CNTNAP4: variants seen among roughly 807,000 people sequenced by gnomAD.
CNTNAP4 encodes the protein contactin-associated protein-like 4.
CNTNAP4 carries 98 observed loss-of-function variants against 148.4 expected under a neutral mutation model. That is an observed-to-expected ratio of 0.66 (90% CI 0.56 to 0.78). The LOEUF (loss-of-function observed/expected upper bound fraction) is 0.78. CNTNAP4 is among the 30% of genes least tolerant of loss of function. CNTNAP4 has a pLI of 0.00. For missense variants in CNTNAP4, 1,935 were observed against 1,565.6 expected, an observed-to-expected ratio of 1.24 and a Z score of -3.98; for synonymous variants, 730 against 565.1, an observed-to-expected ratio of 1.29 and a Z score of -4.14.
rs760183601 is a variant in CNTNAP4 at position 76,553,952 on chromosome 16, A to T, written c.3733+45A>T. The stretch of plus-strand genomic sequence containing the variant: ...AGCTCTTCTTTGGTTGTTCTTATTA[A>T]TAATGATGATGAATATTTAGCATTG... On this transcript the variant is annotated intron_variant, in intron 23 of 23. Transcript: ENST00000611870. 8 of 1,164,274 alleles carry T rather than the reference A, an allele frequency of 6.9e-6. No individual in the cohort carries two copies. The South Asian group carries it at 1.0e-4, about 15-fold the overall frequency. 72.1% of individuals were successfully genotyped at this position (1,164,274 alleles called of 1,614,324 possible).
chr16:76,359,836 A>G (rs2013184424), intron 3 of CNTNAP4, among the ~76,000 whole-genome samples: 1 of 152,230 alleles, frequency 6.6e-6, no homozygotes, highest in Admixed American at 6.5e-5. Flanking sequence ...AAAAGTAAAC[A>G]TAAGGTATAA....
At chr16:76,346,381 T>C (rs756629992) in intron 2 of CNTNAP4, among the ~76,000 whole-genome samples, 2 of 145,348 alleles carry the variant, frequency 1.4e-5, no homozygotes, top group South Asian at 2.1e-4. Flanking sequence ...AGGAGTGATA[T>C]GAGAATATTT....
intron 3 of CNTNAP4, among the ~76,000 whole-genome samples, chr16:76,421,953 A>T (rs2079205522): frequency 6.6e-6 from 1 of 152,154 alleles, no homozygotes; most frequent in South Asian, 2.1e-4. Context: ...AGAGCTTCTT[A>T]CAAATTGCCA....
chr16:76,392,345 A>G (rs941112381), intron 3 of CNTNAP4, among the ~76,000 whole-genome samples: 1 of 152,192 alleles, frequency 6.6e-6, no homozygotes, highest in Admixed American at 6.6e-5. Context: ...GTTCCTAAAC[A>G]TAACACACCC....
intron 2 of CNTNAP4, among the ~76,000 whole-genome samples, chr16:76,329,846 CT>C (rs1963348376): frequency 6.6e-6 from 1 of 152,058 alleles, no homozygotes; most frequent in Admixed American, 6.5e-5. Flanking sequence ...AAATATCTGA[CT>C]GTATTAAAAT....
chr16:76,311,890 T>C (rs574216149), intron 1 of CNTNAP4, among the ~76,000 whole-genome samples: 11 of 152,340 alleles, frequency 7.2e-5, no homozygotes, highest in African/African-American at 2.4e-4. Flanking sequence ...CAATCTGATA[T>C]AGCACTTAAT....
chr16:76,436,090 G>T (rs935691236), intron 4 of CNTNAP4, among the ~76,000 whole-genome samples: 2 of 152,064 alleles, frequency 1.3e-5, no homozygotes, highest in African/African-American at 4.8e-5. Flanking sequence ...ACAAACAGGG[G>T]TGTTGGGGTT....
At chr16:76,408,791 C>G (rs1247790120) in intron 3 of CNTNAP4, among the ~76,000 whole-genome samples, 1 of 151,888 alleles carries the variant, frequency 6.6e-6, no homozygotes, top group Non-Finnish European at 1.5e-5. Flanking sequence ...CAATATGATA[C>G]AAAAGAGAAT....
chr16:76,345,005 T>C (rs1386994837), intron 2 of CNTNAP4, among the ~76,000 whole-genome samples: 1 of 152,192 alleles, frequency 6.6e-6, no homozygotes, highest in African/African-American at 2.4e-5. Context: ...CTGAGTCTGA[T>C]TGAGTTGATC....
intron 4 of CNTNAP4, among the ~76,000 whole-genome samples, chr16:76,437,433 A>T (rs1193064928): frequency 6.6e-6 from 1 of 152,160 alleles, no homozygotes; most frequent in Non-Finnish European, 1.5e-5. Flanking sequence ...GAAAATAAGG[A>T]AACTATGAAA....
intron 10 of CNTNAP4, among the ~76,000 whole-genome samples, chr16:76,471,200 G>C (rs751340575): frequency 2.0e-5 from 3 of 152,158 alleles, no homozygotes; most frequent in African/African-American, 4.8e-5. Context: ...GGACTTCGGA[G>C]AGGGGTGGCG....
intron 7 of CNTNAP4, among the ~76,000 whole-genome samples, chr16:76,451,857 A>T (rs2080495270): frequency 6.6e-6 from 1 of 152,174 alleles, no homozygotes; most frequent in Admixed American, 6.5e-5. Flanking sequence ...TTTATAGTAT[A>T]TTTCAAAATA....
chr16:76,362,881 C>T (rs1383122744), intron 3 of CNTNAP4, among the ~76,000 whole-genome samples: 1 of 152,030 alleles, frequency 6.6e-6, no homozygotes, highest in Non-Finnish European at 1.5e-5. Flanking sequence ...CAAACCTGCA[C>T]ATGTATGCCT....
At chr16:76,371,358 T>G (rs1452955492) in intron 3 of CNTNAP4, among the ~76,000 whole-genome samples, 1 of 152,196 alleles carries the variant, frequency 6.6e-6, no homozygotes, top group African/African-American at 2.4e-5. Flanking sequence ...CGATCTTGGT[T>G]GACTGCAACC....
intron 1 of CNTNAP4, among the ~76,000 whole-genome samples, chr16:76,295,189 C>A (rs1959204417): frequency 6.6e-6 from 1 of 152,086 alleles, no homozygotes; most frequent in African/African-American, 2.4e-5. Flanking sequence ...AAGGTGTTTA[C>A]TGAAGGATGA....
At chr16:76,405,931 G>C (rs999940157) in intron 3 of CNTNAP4, among the ~76,000 whole-genome samples, 1 of 151,892 alleles carries the variant, frequency 6.6e-6, no homozygotes, top group Non-Finnish European at 1.5e-5. Flanking sequence ...AAGCCATTAA[G>C]TTGGGCCAGG....
rs560764063 is a variant in CNTNAP4 at position 76,344,725 on chromosome 16, G to A, written c.197-10593G>A. Among the ~76,000 whole-genome samples the A allele has an allele frequency of 3.3e-4, 51 of 152,304 alleles. 1 individual carries two copies. The South Asian group carries it at 9.1e-3, about 27-fold the overall frequency. On this transcript the variant is annotated intron_variant, in intron 2 of 23. Transcript: ENST00000611870. ...TTGTTTAGTCCAGAGACTATTTTCCGTGTATGATCGTATATGAGATCATCT... is the reference window on the plus strand; with the variant it reads ...TTGTTTAGTCCAGAGACTATTTTCCATGTATGATCGTATATGAGATCATCT...
intron 2 of CNTNAP4, among the ~76,000 whole-genome samples, chr16:76,324,162 C>T (rs892910292): frequency 5.3e-5 from 8 of 152,122 alleles, no homozygotes; most frequent in South Asian, 2.1e-4. Flanking sequence ...ACAGGATGCT[C>T]CCGCCTTAGG....
At chr16:76,519,932 G>A (rs1284154349) in intron 15 of CNTNAP4, among the ~76,000 whole-genome samples, 4 of 152,172 alleles carry the variant, frequency 2.6e-5, no homozygotes, top group Non-Finnish European at 5.9e-5. Context: ...TAAGAAACAC[G>A]TATAAGCAAA....
Sources: gnomAD v4.1 joint callset for allele counts (sites outside exome capture counted in the v4.1 genomes callset) on GRCh38, gnomAD v4.1.1 for gene constraint, MANE v1.5 for transcripts, NCBI Gene and HGNC (gene_info 2026-07-23, HGNC 2026-07-21) for gene names.